The following GDA variants were observed in gnomAD, a reference collection of about 807,000 sequenced individuals.
GDA encodes guanine deaminase, also known as cytoplasmic PSD-95 interactor.
A neutral mutation model predicts 59.6 loss-of-function variants in GDA; 18 were observed. The observed-to-expected ratio is 0.30, with a 90% CI of 0.21 to 0.45. The LOEUF is 0.45. Ranked by LOEUF, GDA falls within the 20% of genes least tolerant of loss-of-function variation. The pLI, the probability that GDA is intolerant of heterozygous loss-of-function variation, is 1.00. For synonymous variants in GDA, 201 were observed against 201.1 expected (o/e 1.00, Z 0.00); for missense variants, 427 against 552.3 (o/e 0.77, Z 2.27).
At chr9:72,114,614 C>G (rs1367245937) in exon 1 of GDA, 2 of 151,056 alleles carry the variant, frequency 1.3e-5, no homozygotes, top group Non-Finnish European at 2.9e-5. Flanking sequence ...CCTCAGTCTC[C>G]TGAGTAGCCG....
At chr9:72,128,771 C>A (rs1263148522) in intron 1 of GDA, among the ~76,000 whole-genome samples, 1 of 152,088 alleles carries the variant, frequency 6.6e-6, no homozygotes, top group Non-Finnish European at 1.5e-5. Context: ...ACTTTTCTGA[C>A]TAGCACCTAG....
chr9:72,162,213 G>A (rs12379746), intron 1 of GDA, among the ~76,000 whole-genome samples: 16,674 of 152,214 alleles, frequency 0.11, 969 homozygotes, highest in African/African-American at 0.13. Context: ...GACAATAGCT[G>A]ATGGAGAGCA....
rs1285743441 is a variant in GDA, at chr9:72,227,978, A to G, written c.858A>G (p.Glu286=). The stretch of plus-strand genomic sequence containing the variant: ...CACACGGCTGCTACCTCTCTGCAGA[A>G]GAACTGAACGTATTCCATGAACGAG... ...VMAHGCYLSA[E]ELNVFHERGA... The change falls in exon 9 of 14, where the codon GAA becomes GAG. Residue 286 remains glutamate (E), a synonymous_variant. Coordinates refer to ENST00000358399, the MANE Select transcript of GDA (RefSeq NM_004293.5). 20 of 1,609,678 alleles carry G rather than the reference A, an allele frequency of 1.2e-5. No homozygotes were observed. In the Admixed American group the frequency reaches 3.2e-4, roughly 26 times the overall value.
intron 1 of GDA, among the ~76,000 whole-genome samples, chr9:72,138,544 A>G (rs1445878968): frequency 6.6e-6 from 1 of 152,212 alleles, no homozygotes; most frequent in Non-Finnish European, 1.5e-5. Flanking sequence ...TTGAGTGTCT[A>G]CAGCATGCCA....
At chr9:72,199,633 A>G (rs1216694523) in intron 2 of GDA, among the ~76,000 whole-genome samples, 4 of 152,230 alleles carry the variant, frequency 2.6e-5, no homozygotes, top group African/African-American at 9.6e-5. Flanking sequence ...AGTAACAAAA[A>G]CATTCTAGAG....
At chr9:72,210,378 A>G (rs896052197) in intron 3 of GDA, among the ~76,000 whole-genome samples, 1 of 152,220 alleles carries the variant, frequency 6.6e-6, no homozygotes, top group Non-Finnish European at 1.5e-5. Flanking sequence ...GTACTCCCAG[A>G]TGCAATAAAA....
upstream of GDA, among the ~76,000 whole-genome samples, chr9:72,148,763 T>C (rs1424268302): frequency 6.6e-6 from 1 of 152,212 alleles, no homozygotes; most frequent in African/African-American, 2.4e-5. Flanking sequence ...CCACAGTCTC[T>C]TGATTCCCAA....
chr9:72,200,143 G>A (rs914784101), intron 2 of GDA, among the ~76,000 whole-genome samples: 19 of 151,604 alleles, frequency 1.3e-4, no homozygotes, highest in Admixed American at 1.3e-4. Flanking sequence ...GACTACAGGC[G>A]CCTGCCACCA....
chr9:72,193,322 A>G (rs1337891365), intron 1 of GDA, among the ~76,000 whole-genome samples: 1 of 152,202 alleles, frequency 6.6e-6, no homozygotes, highest in Non-Finnish European at 1.5e-5. Flanking sequence ...GATCTAAGCT[A>G]TATCTGCTTT....
At chr9:72,231,719 C>CTTTTG (rs767140863) in intron 10 of GDA, among the ~76,000 whole-genome samples, 2 of 152,086 alleles carry the variant, frequency 1.3e-5, no homozygotes, top group African/African-American at 2.4e-5. Flanking sequence ...AAGTCCTTGA[C>CTTTTG]TTTTGTTTTG....
At chr9:72,121,041 G>T (rs886325878) in intron 1 of GDA, among the ~76,000 whole-genome samples, 2 of 151,976 alleles carry the variant, frequency 1.3e-5, no homozygotes, top group Non-Finnish European at 2.9e-5. Context: ...AACCACAGGC[G>T]TTTCAATACC....
At chr9:72,197,004 T>C (rs1175572080) in intron 2 of GDA, among the ~76,000 whole-genome samples, 1 of 152,196 alleles carries the variant, frequency 6.6e-6, no homozygotes, top group Non-Finnish European at 1.5e-5. Flanking sequence ...GTACCATTTA[T>C]ATTCTGAAAA....
chr9:72,242,435 A>G (rs1839720403), intron 11 of GDA, among the ~76,000 whole-genome samples: 1 of 152,200 alleles, frequency 6.6e-6, no homozygotes. Flanking sequence ...ATCAGAATGG[A>G]TGATAGTGAA....
chr9:72,253,308 C>T (rs1035545001), downstream of GDA: 5 of 152,206 alleles, frequency 3.3e-5, no homozygotes, highest in Non-Finnish European at 7.3e-5. Flanking sequence ...CCAGATCAAA[C>T]TAAGCTGTGT....
intron 5 of GDA, 105 bp downstream of exon 5, chr9:72,214,096 G>T: frequency 1.4e-6 from 1 of 692,470 alleles, no homozygotes; most frequent in Non-Finnish European, 2.6e-6. Flanking sequence ...TCACCCAGTT[G>T]GGATGTGCAC....
chr9:72,216,825 G>A (rs970985648), intron 5 of GDA, among the ~76,000 whole-genome samples: 3 of 152,082 alleles, frequency 2.0e-5, no homozygotes, highest in South Asian at 2.1e-4. Flanking sequence ...ACAGGCGCCC[G>A]CCACCACGCC....
chr9:72,241,075 TA>T, intron 10 of GDA, 76 bp from the exon 11 acceptor site: 1 of 1,045,454 alleles, frequency 9.6e-7, no homozygotes, highest in Non-Finnish European at 1.4e-6. Context: ...ATATCTGTCA[TA>T]AAAACAATGT....
rs141182323 is a variant in GDA, at chr9:72,170,769, C to T, written c.123+21087C>T. 3.5e-3 allele frequency among the ~76,000 whole-genome samples: 530 copies of T among 152,180 alleles called. 3 individuals are homozygous for T. The highest frequency in any genetic ancestry group is 0.012 in the African/African-American group (505 of 41,516). ...GTGATAGGGGCCACAAAGATGAAGG[C>T]GCCTTTTCTCTCTACCCATGAGATC... On this transcript the variant is annotated intron_variant, in intron 1 of 13. Transcript: ENST00000358399.
chr9:72,128,134 A>G (rs761356392), intron 1 of GDA, among the ~76,000 whole-genome samples: 5 of 152,234 alleles, frequency 3.3e-5, no homozygotes, highest in Non-Finnish European at 7.3e-5. Flanking sequence ...ATTATTTCAT[A>G]TCAGGATGAG....
Sources: gnomAD v4.1 joint callset for allele counts (sites outside exome capture counted in the v4.1 genomes callset) on GRCh38, gnomAD v4.1.1 for gene constraint, MANE v1.5 for transcripts, NCBI Gene and HGNC (gene_info 2026-07-23, HGNC 2026-07-21) for gene names.